The following RIF1 variants were observed in gnomAD, a reference collection of about 807,000 sequenced individuals.
The protein encoded by RIF1 is replication timing regulatory factor 1.
Under a neutral mutation model 247.1 loss-of-function variants are expected in RIF1, and 45 were observed. The ratio of observed to expected loss-of-function variants is 0.18; its 90% CI spans 0.14 to 0.23. The LOEUF (loss-of-function observed/expected upper bound fraction) is 0.23. Ranked by LOEUF, RIF1 falls within the 10% of genes least tolerant of loss-of-function variation. The pLI is 1.00. For missense variants in RIF1, 2,967 were observed against 2,862.5 expected, an observed-to-expected ratio of 1.04 and a Z score of -0.83; for synonymous variants, 1,087 against 978.8, an observed-to-expected ratio of 1.11 and a Z score of -2.06.
At chr2:151,431,350 G>A (rs1690090825) in intron 9 of RIF1, among the ~76,000 whole-genome samples, 1 of 152,220 alleles carries the variant, frequency 6.6e-6, no homozygotes, top group Non-Finnish European at 1.5e-5. Flanking sequence ...TGGGTAGAAT[G>A]GCTCAGTGGC....
At chr2:151,525,171 G>C in the RIF1 span, 5 of 1,612,658 alleles carry the variant, frequency 3.1e-6, no homozygotes, top group South Asian at 4.4e-5. Flanking sequence ...ACATCACTTT[G>C]CTTCTTGGCC....
In RIF1 at chr2:151,435,447, T is replaced by C; in HGVS notation, c.1078-16T>C. The C allele has an allele frequency of 6.9e-7, 1 of 1,448,964 alleles. No individual in the cohort carries two copies. Among genetic ancestry groups the C allele is most frequent in the Admixed American group, 1.7e-5 (1 of 58,944 alleles). 89.8% of individuals were successfully genotyped at this position (1,448,964 alleles called of 1,614,324 possible). Reference sequence around the variant, plus strand: ...GTTGTATAGTTTATAGATCGATGTTTTCTTTTACCCCATAGGTTTGTGTGC... The same window carrying C: ...GTTGTATAGTTTATAGATCGATGTTCTCTTTTACCCCATAGGTTTGTGTGC... On this transcript the variant is annotated splice_polypyrimidine_tract_variant and intron_variant, in intron 10 of 35. Coordinates refer to ENST00000444746, the MANE Select transcript of RIF1 (RefSeq NM_018151.5).
intron 22 of RIF1, among the ~76,000 whole-genome samples, chr2:151,456,285 A>C (rs961305082): frequency 5.3e-5 from 8 of 152,232 alleles, no homozygotes; most frequent in Non-Finnish European, 2.9e-5. Flanking sequence ...CTTTAAGTCT[A>C]TATTTCATCA....
chr2:151,472,187 A>G (rs2048589945), intron 34 of RIF1, among the ~76,000 whole-genome samples: 1 of 152,280 alleles, frequency 6.6e-6, no homozygotes, highest in South Asian at 2.1e-4. Flanking sequence ...TTATTGATGT[A>G]TATGAATGCT....
intron 21 of RIF1, 89 bp downstream of exon 21, chr2:151,451,794 C>T (rs1694359005): frequency 3.0e-6 from 2 of 671,358 alleles, no homozygotes; most frequent in African/African-American, 1.8e-5. Context: ...CCTTTGCCAC[C>T]TCATTTTACT....
At chr2:151,502,467 A>ACAT (rs2065459986) in intron 11 of RIF1, among the ~76,000 whole-genome samples, 1 of 152,126 alleles carries the variant, frequency 6.6e-6, no homozygotes, top group South Asian at 2.1e-4. Flanking sequence ...ATTCTAATTA[A>ACAT]CATTGTCCTT....
chr2:151,465,478 T>C lies in RIF1; in HGVS notation c.5958T>C (p.Ala1986=). 2 of 1,614,020 alleles carry C rather than the reference T, an allele frequency of 1.2e-6. No homozygotes were observed. The highest frequency in any genetic ancestry group is 1.7e-6 in the Non-Finnish European group (2 of 1,179,988). ...ATACTACACCTGTAAAATTGAATGC[T>C]CAAACTGAGATTTCTGAACAAACAG... ...SDNTTPVKLN[A]QTEISEQTAA... The change falls in exon 30 of 36, where the codon GCT becomes GCC. Residue 1986 remains alanine (A), a synonymous_variant. Transcript: ENST00000444746.
chr2:151,495,989 G>A (rs1574919364), intron 10 of RIF1, among the ~76,000 whole-genome samples: 1 of 152,136 alleles, frequency 6.6e-6, no homozygotes, highest in Non-Finnish European at 1.5e-5. Context: ...CTAAAACAAA[G>A]AGACCTTGGG....
intron 9 of RIF1, chr2:151,490,545 G>C: frequency 6.2e-7 from 1 of 1,602,724 alleles, no homozygotes; most frequent in Non-Finnish European, 8.5e-7. Context: ...TGGGGGAGAT[G>C]TAGCAAACAT....
chr2:151,451,352 G>A (rs1694289195), intron 20 of RIF1, among the ~76,000 whole-genome samples: 1 of 152,182 alleles, frequency 6.6e-6, no homozygotes, highest in Admixed American at 6.5e-5. Flanking sequence ...CTATATAGGT[G>A]TGTAGTAGGC....
chr2:151,448,666 T>A (rs1298815358), intron 20 of RIF1, among the ~76,000 whole-genome samples: 1 of 152,192 alleles, frequency 6.6e-6, no homozygotes, highest in Non-Finnish European at 1.5e-5. Flanking sequence ...TCGCGCTTGT[T>A]TATTTTTGTT....
In RIF1 at chr2:151,446,567, G is replaced by A; in HGVS notation, c.2236G>A (p.Gly746Ser). ...GATAATGTCCAGTTTGGAAGATGAAGGCTTTTCTGTGAGTTTGTCCTGATG... is the reference window on the plus strand; with the variant it reads ...GATAATGTCCAGTTTGGAAGATGAAAGCTTTTCTGTGAGTTTGTCCTGATG... ...SKIMSSLEDE[G>S]FSNLLFVDRI... Residue 746 changes from glycine to serine, a missense_variant, in exon 20 of 36, where the codon GGC becomes AGC. Around this residue, in one of 7 missense-constraint regions of RIF1, gnomAD observed 2,028 missense variants for 1,825.6 expected, o/e 1.11. Transcript: ENST00000444746. The A allele has an allele frequency of 6.2e-7, 1 of 1,612,260 alleles. No homozygotes were observed. The highest frequency in any genetic ancestry group is 1.6e-4 in the Middle Eastern group (1 of 6,062).
At chr2:151,469,171 T>C (rs1697415720) in intron 33 of RIF1, among the ~76,000 whole-genome samples, 1 of 152,182 alleles carries the variant, frequency 6.6e-6, no homozygotes. Context: ...TGTTTCTAAT[T>C]ACAAGTTTGT....
At chr2:151,422,582 C>A (rs995631343) in intron 7 of RIF1, among the ~76,000 whole-genome samples, 6 of 151,934 alleles carry the variant, frequency 3.9e-5, no homozygotes, top group African/African-American at 1.5e-4. Context: ...TCTCTGCAAC[C>A]TCCACCTCCC....
In RIF1 at chr2:151,437,282, T is replaced by A. The variant is rs760433586; in HGVS notation, c.1414T>A (p.Ser472Thr). ...GTTAATCAGCAGCCCTTCCTTTTTT[T>A]CCAAACATGCAAATACACTTATCAC... Reference protein sequence around the residue: ...HPLISSPSFFSKHANTLITAV... With the variant: ...HPLISSPSFFTKHANTLITAV... The change falls in exon 13 of 36, where the codon TCC becomes ACC. Residue 472 changes from serine (S) to threonine (T), a missense_variant. Ser to Thr is a moderately conservative substitution (Grantham distance 58). Around this residue, in one of 7 missense-constraint regions of RIF1, gnomAD observed 369 missense variants for 322.0 expected, o/e 1.15. Transcript: ENST00000444746. 1 of 1,613,998 alleles carries A rather than the reference T, an allele frequency of 6.2e-7. No individual in the cohort carries two copies. The highest frequency in any genetic ancestry group is 1.7e-5 in the Admixed American group (1 of 59,990).
At chr2:151,526,466 C>T in the RIF1 span, among the ~76,000 whole-genome samples, 1 of 152,144 alleles carries the variant, frequency 6.6e-6, no homozygotes, top group Non-Finnish European at 1.5e-5. Flanking sequence ...CAAAATGGAT[C>T]TCGTGATGAA....
At chr2:151,440,471 C>CT (rs1358712651) in intron 15 of RIF1, among the ~76,000 whole-genome samples, 1 of 151,830 alleles carries the variant, frequency 6.6e-6, no homozygotes, top group East Asian at 1.9e-4. Flanking sequence ...ATAGTTGGTA[C>CT]TTTGTTTTCA....
rs1471225913 is a variant in RIF1, at chr2:151,465,525, G to A, written c.6005G>A (p.Gly2002Glu). 1 of 1,604,318 alleles carries A rather than the reference G, an allele frequency of 6.2e-7. No homozygotes were observed. The highest frequency in any genetic ancestry group is 8.5e-7 in the Non-Finnish European group (1 of 1,175,538). ...ACAGCAGCTGGGGAACTAGATGGAGGAAATGATGTATCTGATCTACACTCA... is the reference window on the plus strand; with the variant it reads ...ACAGCAGCTGGGGAACTAGATGGAGAAAATGATGTATCTGATCTACACTCA... ...EQTAAGELDG[G>E]NDVSDLHSSE... The change falls in exon 30 of 36, where the codon GGA becomes GAA. Residue 2002 changes from glycine to glutamate, a missense_variant. Gly to Glu is a moderately conservative substitution (Grantham distance 98). Around this residue, in one of 7 missense-constraint regions of RIF1, gnomAD observed 2,028 missense variants for 1,825.6 expected, o/e 1.11. Transcript: ENST00000444746.
chr2:151,429,564 G>A (rs563298535), intron 9 of RIF1, among the ~76,000 whole-genome samples: 1 of 152,158 alleles, frequency 6.6e-6, no homozygotes, highest in Non-Finnish European at 1.5e-5. Context: ...GACCTGAGAT[G>A]TAATTATTAA....
Sources: gnomAD v4.1 joint callset for allele counts (sites outside exome capture counted in the v4.1 genomes callset) on GRCh38, gnomAD v4.1.1 for gene constraint, gnomAD v4.1.1 regional missense constraint, MANE v1.5 for transcripts, NCBI Gene and HGNC (gene_info 2026-07-23, HGNC 2026-07-21) for gene names.